DSCAM: variants seen among roughly 807,000 people sequenced by gnomAD.
DSCAM encodes cell adhesion molecule DSCAM.
In DSCAM, 47 loss-of-function variants were observed where a neutral mutation model predicts 217.7. The ratio of observed to expected loss-of-function variants is 0.22; its 90% CI spans 0.17 to 0.28. DSCAM has a LOEUF of 0.28. Among genes scored for constraint, DSCAM ranks in the 10% least tolerant of loss-of-function variants. The pLI, the probability that DSCAM is intolerant of heterozygous loss-of-function variation, is 1.00. For synonymous variants in DSCAM, 1,056 were observed against 1,015.3 expected (o/e 1.04, Z -0.76); for missense variants, 2,080 against 2,618.3 (o/e 0.79, Z 4.49).
At chr21:40,290,604 G>T (rs948045197) in intron 10 of DSCAM, among the ~76,000 whole-genome samples, 2 of 152,180 alleles carry the variant, frequency 1.3e-5, no homozygotes, top group Admixed American at 1.3e-4. Flanking sequence ...CTGGGCAACA[G>T]AGCGAGACTC....
chr21:40,169,473 A>T (rs2090632461), intron 15 of DSCAM, among the ~76,000 whole-genome samples: 1 of 152,118 alleles, frequency 6.6e-6, no homozygotes, highest in Non-Finnish European at 1.5e-5. Context: ...GTGCTCTAAG[A>T]TGCAGGGATT....
At chr21:40,712,469 C>CAAAAAAA (rs571819417) in intron 1 of DSCAM, among the ~76,000 whole-genome samples, 6 of 27,346 alleles carry the variant, frequency 2.2e-4, no homozygotes, top group East Asian at 1.3e-3. Flanking sequence ...GACTCCGTCT[C>CAAAAAAA]AAAAAAAAAA....
chr21:40,235,078 A>C (rs2091414573), intron 11 of DSCAM, among the ~76,000 whole-genome samples: 1 of 152,236 alleles, frequency 6.6e-6, no homozygotes, highest in Non-Finnish European at 1.5e-5. Flanking sequence ...TAATTAAAGA[A>C]TCTACTACAC....
rs926302620 is a variant in DSCAM, at chr21:40,765,194, G to A, written c.44-56423C>T. Among the ~76,000 whole-genome samples, 10 of 152,194 alleles carry A rather than the reference G, an allele frequency of 6.6e-5. 1 individual carries two copies. Among genetic ancestry groups the A allele is most frequent in the Admixed American group, 2.6e-4 (4 of 15,286 alleles). On this transcript the variant is annotated intron_variant, in intron 1 of 32. Coordinates refer to ENST00000400454, the MANE Select transcript of DSCAM (RefSeq NM_001389.5). ...AGAGGCAGAGGAAGTAGGAGAGGGT[G>A]CTGAGGGCATACTTTCCTAACCAAT...
At chr21:40,165,277 T>C (rs2090581847) in intron 16 of DSCAM, among the ~76,000 whole-genome samples, 1 of 152,236 alleles carries the variant, frequency 6.6e-6, no homozygotes, top group Admixed American at 6.5e-5. Context: ...TAAGATTTCG[T>C]GTAATAGTGT....
At chr21:40,280,918 G>A (rs1254971989) in intron 10 of DSCAM, among the ~76,000 whole-genome samples, 1 of 152,188 alleles carries the variant, frequency 6.6e-6, no homozygotes, top group Non-Finnish European at 1.5e-5. Flanking sequence ...GGAACTGGGA[G>A]TTGGTCTTCA....
intron 1 of DSCAM, among the ~76,000 whole-genome samples, chr21:40,776,617 T>C (rs543481946): frequency 7.7e-4 from 117 of 152,172 alleles, no homozygotes; most frequent in Non-Finnish European, 6.9e-4. Context: ...GGAGTCATTG[T>C]GGACTAGCAG....
At chr21:40,721,793 A>T (rs2090903292) in intron 1 of DSCAM, among the ~76,000 whole-genome samples, 1 of 152,174 alleles carries the variant, frequency 6.6e-6, no homozygotes. Context: ...TTTAATGAAC[A>T]CTAGAACCTC....
intron 1 of DSCAM, among the ~76,000 whole-genome samples, chr21:40,712,469 CAAAAAA>C (rs571819417): frequency 5.1e-4 from 14 of 27,344 alleles, no homozygotes; most frequent in South Asian, 3.3e-3. Flanking sequence ...GACTCCGTCT[CAAAAAA>C]AAAAAAAAAA....
intron 28 of DSCAM, among the ~76,000 whole-genome samples, chr21:40,061,774 C>A (rs897500889): frequency 6.6e-6 from 1 of 152,090 alleles, no homozygotes; most frequent in South Asian, 2.1e-4. Context: ...ACAAAGAGTA[C>A]TAATTTTATA....
intron 11 of DSCAM, among the ~76,000 whole-genome samples, chr21:40,189,747 A>C (rs1035855639): frequency 6.6e-6 from 1 of 152,188 alleles, no homozygotes; most frequent in Admixed American, 6.5e-5. Context: ...GCCTGCTGCC[A>C]ACCATGTAGG....
At position 40,033,727 on chromosome 21, in the gene DSCAM, G is replaced by A. The variant is rs879896095; in HGVS notation, c.5686+8644C>T. Among the ~76,000 whole-genome samples, 84 of 151,072 alleles carry A rather than the reference G, an allele frequency of 5.6e-4. 2 individuals are homozygous for A. Among genetic ancestry groups the A allele is most frequent in the Non-Finnish European group, 9.9e-4 (67 of 67,946 alleles). On this transcript the variant is annotated intron_variant, in intron 32 of 32. Transcript: ENST00000400454. ...CTGTAGGCTCCACCTCTAGGGGCAG[G>A]GCACAGACAAACAAAAAGACAGCAG... is the stretch of plus-strand genomic sequence containing the variant.
At chr21:40,721,537 A>G (rs568860097) in intron 1 of DSCAM, among the ~76,000 whole-genome samples, 2 of 152,302 alleles carry the variant, frequency 1.3e-5, no homozygotes, top group South Asian at 4.1e-4. Flanking sequence ...ATGAAATGAA[A>G]GTTAGACAAA....
chr21:40,283,757 G>C (rs1284141317), intron 10 of DSCAM, among the ~76,000 whole-genome samples: 1 of 152,190 alleles, frequency 6.6e-6, no homozygotes, highest in Non-Finnish European at 1.5e-5. Flanking sequence ...ATTTACATAT[G>C]ATGTAGGATT....
At chr21:40,818,072 C>T (rs917010836) in intron 1 of DSCAM, among the ~76,000 whole-genome samples, 10 of 120,788 alleles carry the variant, frequency 8.3e-5, no homozygotes, top group Admixed American at 4.3e-4. Flanking sequence ...GTCCGCAGTC[C>T]GGCCTGGGCG....
At chr21:40,599,200 CT>C (rs141354721) in intron 3 of DSCAM, among the ~76,000 whole-genome samples, 6,479 of 151,876 alleles carry the variant, frequency 0.043, 178 homozygotes, top group Middle Eastern at 0.14. Context: ...GAGCAGAAGG[CT>C]TTTTTTTATT....
chr21:40,092,743 C>G (rs1368735656), intron 21 of DSCAM, among the ~76,000 whole-genome samples: 1 of 152,266 alleles, frequency 6.6e-6, no homozygotes, highest in East Asian at 1.9e-4. Context: ...TCATCATTTT[C>G]TCATTCTCAG....
intron 1 of DSCAM, among the ~76,000 whole-genome samples, chr21:40,773,953 G>C (rs1364161699): frequency 1.3e-5 from 2 of 152,208 alleles, no homozygotes; most frequent in African/African-American, 4.8e-5. Context: ...GTAGAAGCTG[G>C]GTTCAGATGC....
chr21:40,518,109 G>A (rs781035323), intron 3 of DSCAM, among the ~76,000 whole-genome samples: 7 of 151,314 alleles, frequency 4.6e-5, no homozygotes, highest in Admixed American at 1.3e-4. Context: ...TCCATGATGG[G>A]TATTAGTGAA....
Sources: gnomAD v4.1 joint callset for allele counts (sites outside exome capture counted in the v4.1 genomes callset) on GRCh38, gnomAD v4.1.1 for gene constraint, MANE v1.5 for transcripts, NCBI Gene and HGNC (gene_info 2026-07-23, HGNC 2026-07-21) for gene names.